ACTG2: variants seen among roughly 807,000 people sequenced by gnomAD.
The protein encoded by ACTG2 is actin gamma 2, smooth muscle, also known as actin, gamma-enteric smooth muscle.
ACTG2 carries 16 observed loss-of-function variants against 37.6 expected under a neutral mutation model. That is an observed-to-expected ratio of 0.43 (90% CI 0.29 to 0.65). The LOEUF is 0.65. ACTG2 is among the 30% of genes least tolerant of loss of function. The pLI, the probability that ACTG2 is intolerant of heterozygous loss-of-function variation, is 0.18. For missense variants in ACTG2, 238 were observed against 490.9 expected, an observed-to-expected ratio of 0.48 and a Z score of 4.87; for synonymous variants, 181 against 179.9, an observed-to-expected ratio of 1.01 and a Z score of -0.05.
At chr2:73,907,185 GT>G (rs1680034640) in intron 3 of ACTG2, among the ~76,000 whole-genome samples, 1 of 152,064 alleles carries the variant, frequency 6.6e-6, no homozygotes, top group Non-Finnish European at 1.5e-5. Context: ...CTTTTTGTTT[GT>G]TTTGGTCTTT....
At chr2:73,899,466 A>T (rs183540478) in intron 1 of ACTG2, among the ~76,000 whole-genome samples, 67 of 150,472 alleles carry the variant, frequency 4.5e-4, no homozygotes, top group East Asian at 1.2e-3. Flanking sequence ...CATCTCAAAA[A>T]ATATATATAT....
intron 1 of ACTG2, among the ~76,000 whole-genome samples, chr2:73,894,534 C>G (rs1418915764): frequency 6.6e-6 from 1 of 152,314 alleles, no homozygotes; most frequent in Admixed American, 6.5e-5. Context: ...GGGCCAGGCA[C>G]TGTCTCTGCT....
chr2:73,907,474 TA>T (rs1200328477), intron 3 of ACTG2, among the ~76,000 whole-genome samples: 1 of 152,168 alleles, frequency 6.6e-6, no homozygotes. Context: ...TAACTTCCTC[TA>T]AAACAGTGGT....
intron 4 of ACTG2, 87 bp downstream of exon 4, chr2:73,908,870 C>A: frequency 7.7e-7 from 1 of 1,306,284 alleles, no homozygotes; most frequent in Non-Finnish European, 1.1e-6. Flanking sequence ...AACATCAGTG[C>A]AACAGAACTC....
chr2:73,916,922 T>A (rs76029823), intron 8 of ACTG2, among the ~76,000 whole-genome samples, 157 bp downstream of exon 8: 1,701 of 152,314 alleles, frequency 0.011, 40 homozygotes, highest in African/African-American at 0.039. Flanking sequence ...CGGAATTATG[T>A]TCCTTGGGCA....
At chr2:73,910,966 T>C (rs75084704) in intron 5 of ACTG2, among the ~76,000 whole-genome samples, 5 of 151,574 alleles carry the variant, frequency 3.3e-5, no homozygotes, top group Non-Finnish European at 7.4e-5. Flanking sequence ...AACTAAAATA[T>C]ACACATTAGC....
chr2:73,895,458 A>G (rs535049364), intron 1 of ACTG2, among the ~76,000 whole-genome samples: 4 of 152,330 alleles, frequency 2.6e-5, no homozygotes, highest in East Asian at 3.9e-4. Flanking sequence ...AGTGTTTTTC[A>G]TAGACAATTT....
intron 1 of ACTG2, among the ~76,000 whole-genome samples, chr2:73,896,382 A>G (rs1313036496): frequency 6.6e-6 from 1 of 151,742 alleles, no homozygotes; most frequent in African/African-American, 2.4e-5. Context: ...CCATTCTGAG[A>G]TATAGGCCAT....
chr2:73,898,513 A>G (rs963826221), intron 1 of ACTG2, among the ~76,000 whole-genome samples: 1 of 151,398 alleles, frequency 6.6e-6, no homozygotes, highest in South Asian at 2.1e-4. Flanking sequence ...AACAGGCCAA[A>G]TCTTTTCATT....
At position 73,909,072 on chromosome 2, in the gene ACTG2, C is replaced by T; in HGVS notation, c.384C>T (p.Phe128=). 1 of 1,614,138 alleles carries T rather than the reference C, an allele frequency of 6.2e-7. No individual in the cohort carries two copies. The highest frequency in any genetic ancestry group is 1.1e-5 in the South Asian group (1 of 91,080). The change falls in exon 5 of 9, where the codon TTC becomes TTT. Residue 128 remains phenylalanine, a synonymous_variant. Coordinates refer to ENST00000345517, the MANE Select transcript of ACTG2 (RefSeq NM_001615.4). ...EKMTQIMFET[F]NVPAMYVAIQ... is the part of the protein sequence containing the mutation. ...CCTTTAAGATCATGTTTGAAACCTT[C>T]AATGTCCCTGCCATGTACGTCGCCA... is the stretch of plus-strand genomic sequence containing the variant.
At chr2:73,905,142 T>C (rs1304004332) in intron 3 of ACTG2, among the ~76,000 whole-genome samples, 1 of 152,082 alleles carries the variant, frequency 6.6e-6, no homozygotes, top group Non-Finnish European at 1.5e-5. Flanking sequence ...GGACAACTGA[T>C]TAGTTATTTT....
At chr2:73,902,195 A>G (rs1006953685) in intron 2 of ACTG2, among the ~76,000 whole-genome samples, 165 bp from the exon 3 acceptor site, 1 of 152,150 alleles carries the variant, frequency 6.6e-6, no homozygotes, top group East Asian at 1.9e-4. Flanking sequence ...TGACACCTTC[A>G]TACTCACTGG....
intron 5 of ACTG2, among the ~76,000 whole-genome samples, chr2:73,913,025 C>A (rs1653266): frequency 6.6e-6 from 1 of 151,428 alleles, no homozygotes; most frequent in Non-Finnish European, 1.5e-5. Context: ...AAAAATTAGC[C>A]GGGCGTGGTG....
chr2:73,901,494 TG>T (rs1679872605), intron 2 of ACTG2, 57 bp downstream of exon 2: 3 of 1,572,562 alleles, frequency 1.9e-6, no homozygotes, highest in Non-Finnish European at 2.6e-6. Context: ...AGCGCTGCAC[TG>T]TGGAGACCCT....
intron 5 of ACTG2, among the ~76,000 whole-genome samples, chr2:73,912,404 C>G (rs1680158204): frequency 6.6e-6 from 1 of 152,168 alleles, no homozygotes; most frequent in Admixed American, 6.5e-5. Context: ...TGATCTGCCC[C>G]CCTTGGCCTC....
intron 4 of ACTG2, 110 bp from the exon 5 acceptor site, chr2:73,908,945 C>A: frequency 7.8e-7 from 1 of 1,279,134 alleles, no homozygotes; most frequent in Non-Finnish European, 1.1e-6. Flanking sequence ...GAATAATGAA[C>A]TATCAAACTG....
rs1680339220 is a variant in ACTG2, at chr2:73,919,686, A to C, written c.*111A>C. 1 of 1,264,418 alleles carries C rather than the reference A, an allele frequency of 7.9e-7. No homozygotes were observed. Among genetic ancestry groups the C allele is most frequent in the African/African-American group, 1.5e-5 (1 of 66,592 alleles). The allele number at this position is 1,264,418 out of a possible 1,614,324, so 78.3% of individuals were successfully genotyped here. A position where few individuals can be genotyped will look rare whatever the true frequency, so the allele number is the denominator to read the frequency against. On this transcript the variant is annotated 3_prime_UTR_variant, in exon 9 of 9. Coordinates refer to ENST00000345517, the MANE Select transcript of ACTG2 (RefSeq NM_001615.4). The stretch of plus-strand genomic sequence containing the variant: ...GTGTGGGGCTCTTTTTTCCTGGGCT[A>C]TGTCTCATACACAGTGCTAAGGACT...
Position 73,916,759 on chromosome 2 carries a change from G to A in ACTG2, c.981G>A (p.Lys327=). 2.5e-6 allele frequency: 4 copies of A among 1,613,578 alleles called. No individual in the cohort carries two copies. Among genetic ancestry groups the A allele is most frequent in the Non-Finnish European group, 3.4e-6 (4 of 1,179,744 alleles). Residue 327 remains lysine (K), a synonymous_variant, in exon 8 of 9, where the codon AAG becomes AAA. Coordinates refer to ENST00000345517, the MANE Select transcript of ACTG2 (RefSeq NM_001615.4). ...CAGCCCTGGCCCCCAGCACCATGAA[G>A]ATCAAGGTGGGTCTTGCCTCAGTTG... is the stretch of plus-strand genomic sequence containing the variant. ...EITALAPSTM[K]IKIIAPPERK...
intron 6 of ACTG2, 120 bp from the exon 7 acceptor site, chr2:73,914,558 CAA>C (rs59417466): frequency 0.034 from 17,398 of 508,338 alleles, 9 homozygotes; most frequent in East Asian, 0.066. Context: ...GACTCTGTCT[CAA>C]AAAAAAAAAA....
Sources: allele counts gnomAD v4.1 joint callset (sites outside exome capture counted in the v4.1 genomes callset), GRCh38; gene constraint gnomAD v4.1.1; transcripts MANE v1.5; gene names NCBI Gene and HGNC (gene_info 2026-07-23, HGNC 2026-07-21).